The following MAT2A variants were observed in gnomAD, a reference collection of about 807,000 sequenced individuals.
MAT2A encodes methionine adenosyltransferase 2A.
MAT2A carries 3 observed loss-of-function variants against 43.9 expected under a neutral mutation model. That is an observed-to-expected ratio of 0.07 (90% CI 0.03 to 0.18). MAT2A has a LOEUF of 0.18. Ranked by LOEUF, MAT2A falls within the 10% of genes least tolerant of loss-of-function variation. The pLI is 1.00. For synonymous variants in MAT2A, 200 were observed against 168.4 expected, an observed-to-expected ratio of 1.19 and a Z score of -1.45; for missense variants, 204 against 489.0, an observed-to-expected ratio of 0.42 and a Z score of 5.50.
At chr2:85,539,467 G>T (rs1479836103) in intron 1 of MAT2A, 89 bp downstream of exon 1, 9 of 1,027,926 alleles carry the variant, frequency 8.8e-6, no homozygotes, top group Admixed American at 3.3e-5. Flanking sequence ...GGTGGGGCCC[G>T]CGCGGGTCGT....
intron 7 of MAT2A, 60 bp downstream of exon 7, chr2:85,542,807 G>T (rs878896234): frequency 6.4e-7 from 1 of 1,554,514 alleles, no homozygotes; most frequent in African/African-American, 1.4e-5. Flanking sequence ...GTATTTAGTA[G>T]TAATCTACTT....
At position 85,541,811 on chromosome 2, in the gene MAT2A, T is replaced by G. The variant is rs1483300661; in HGVS notation, c.406-18T>G. ...AAATTCTGGAGCTTGATCACATTGG[T>G]GACTTTTCTTTCTTTAGGGCTTAAT... On this transcript the variant is annotated intron_variant, in intron 4 of 8. Transcript: ENST00000306434. 1.9e-6 allele frequency: 3 copies of G among 1,613,774 alleles called. No individual in the cohort carries two copies. The highest frequency in any genetic ancestry group is 2.5e-6 in the Non-Finnish European group (3 of 1,179,804).
chr2:85,543,380 C>T, intron 8 of MAT2A: 1 of 420,072 alleles, frequency 2.4e-6, no homozygotes, highest in Non-Finnish European at 4.3e-6. Context: ...GCGGCGGGAC[C>T]TTGGTAAGTA....
At chr2:85,539,453 C>T in intron 1 of MAT2A, 75 bp downstream of exon 1, 1 of 1,235,400 alleles carries the variant, frequency 8.1e-7, no homozygotes, top group Non-Finnish European at 1.1e-6. Flanking sequence ...TGCGGCCGGC[C>T]GGTGGTGGGG....
At chr2:85,541,206 A>C (rs2103916383) in intron 2 of MAT2A, 46 bp downstream of exon 2, 1 of 1,612,192 alleles carries the variant, frequency 6.2e-7, no homozygotes, top group East Asian at 2.2e-5. Flanking sequence ...ATAGCATAAA[A>C]ATTATTTTTA....
rs370732107 is a variant in MAT2A at position 85,541,586 on chromosome 2, C to T, written c.293-47C>T. ...AATTCCAGATAATTGCTGTAAACAG[C>T]AGGTATTTCTAGGACGTAAACAAGA... On this transcript the variant is annotated intron_variant, in intron 3 of 8. Coordinates refer to ENST00000306434, the MANE Select transcript of MAT2A (RefSeq NM_005911.6). 6.2e-4 allele frequency: 888 copies of T among 1,431,728 alleles called. 7 individuals carry two copies. In the South Asian group the frequency reaches 0.011, roughly 17 times the overall value. 88.7% of individuals were successfully genotyped at this position (1,431,728 alleles called of 1,614,324 possible). A position where few individuals can be genotyped will look rare whatever the true frequency, so the allele number is the denominator to read the frequency against.
chr2:85,539,408 G>T, intron 1 of MAT2A, 30 bp downstream of exon 1: 1 of 1,568,192 alleles, frequency 6.4e-7, no homozygotes. Context: ...CGAAGCGTGG[G>T]GCGGGGCAGA....
intron 4 of MAT2A, 28 bp downstream of exon 4, chr2:85,541,773 C>T (rs777102974): frequency 1.2e-6 from 2 of 1,613,332 alleles, no homozygotes; most frequent in African/African-American, 1.3e-5. Flanking sequence ...CTGTTTTAAT[C>T]TCTTCTAACA....
chr2:85,542,528 C>G, intron 6 of MAT2A, 37 bp from the exon 7 acceptor site: 1 of 1,586,602 alleles, frequency 6.3e-7, no homozygotes. Flanking sequence ...ACTTGGAAAG[C>G]ACTAGGCGTA....
Position 85,540,795 on chromosome 2 carries a change from C to G in MAT2A, c.92-288C>G, listed in dbSNP as rs552547915. On this transcript the variant is annotated intron_variant, in intron 1 of 8. Coordinates refer to ENST00000306434, the MANE Select transcript of MAT2A (RefSeq NM_005911.6). ...CCTGTGGCCTCAGTTCTACCAGACT[C>G]CCAGGTGCAGAGGGGTTTGGTACAG... 1.6e-3 allele frequency among the ~76,000 whole-genome samples: 242 copies of G among 152,278 alleles called. 9 individuals carry two copies. The South Asian group carries it at 0.05, about 31-fold the overall frequency.
Position 85,541,944 on chromosome 2 carries a change from C to G in MAT2A, c.521C>G (p.Pro174Arg). ...GAACTACGCCGTAATGGCACTTTGC[C>G]TTGGTTACGCCCTGATTCTAAAACT... is the stretch of plus-strand genomic sequence containing the variant. ...LAELRRNGTLPWLRPDSKTQV... is the reference protein window; with the variant it reads ...LAELRRNGTLRWLRPDSKTQV... The change falls in exon 5 of 9, where the codon CCT becomes CGT. Residue 174 changes from proline (P) to arginine (R), a missense_variant. By Grantham distance (103) the Pro-to-Arg change is moderately radical. Around this residue, in one of 6 missense-constraint regions of MAT2A, gnomAD observed 103 missense variants for 226.4 expected, o/e 0.45. Transcript: ENST00000306434. The G allele has an allele frequency of 6.2e-7, 1 of 1,614,190 alleles. No homozygotes were observed. The highest frequency in any genetic ancestry group is 8.5e-7 in the Non-Finnish European group (1 of 1,180,012).
rs1691541797 is a variant in MAT2A, at chr2:85,543,932, G to A, written c.*160G>A. On this transcript the variant is annotated 3_prime_UTR_variant, in exon 9 of 9. Transcript: ENST00000306434. ...ATGACATGAATTTTAGCTTTTGTGG[G>A]GGACTGTAAGTTGGGCTTGCTATTC... 1.8e-6 allele frequency: 1 copy of A among 568,984 alleles called. No homozygotes were observed. The highest frequency in any genetic ancestry group is 1.9e-5 in the African/African-American group (1 of 52,584). 35.2% of individuals were successfully genotyped at this position (568,984 alleles called of 1,614,324 possible). A position where few individuals can be genotyped will look rare whatever the true frequency, so the allele number is the denominator to read the frequency against.
chr2:85,539,532 G>T, intron 1 of MAT2A, 154 bp downstream of exon 1: 1 of 521,100 alleles, frequency 1.9e-6, no homozygotes, highest in Non-Finnish European at 3.4e-6. Context: ...TCGTGGCGCC[G>T]CCAGGGCCTG....
In MAT2A at chr2:85,543,991, A is replaced by G. The variant is rs1044866892; in HGVS notation, c.*219A>G. ...GGTGTTTTGTTCACCATTATAATGAATTTAGTGAGCATAGGTGATCCATGT... is the reference window on the plus strand; with the variant it reads ...GGTGTTTTGTTCACCATTATAATGAGTTTAGTGAGCATAGGTGATCCATGT... On this transcript the variant is annotated 3_prime_UTR_variant, in exon 9 of 9. Coordinates refer to ENST00000306434, the MANE Select transcript of MAT2A (RefSeq NM_005911.6). The G allele has an allele frequency of 1.8e-5, 8 of 453,850 alleles. No homozygotes were observed. Among genetic ancestry groups the G allele is most frequent in the African/African-American group, 1.0e-4 (5 of 49,822 alleles). The allele number at this position is 453,850 out of a possible 1,614,324, so 28.1% of individuals were successfully genotyped here. A position where few individuals can be genotyped will look rare whatever the true frequency, so the allele number is the denominator to read the frequency against.
intron 3 of MAT2A, 25 bp from the exon 4 acceptor site, chr2:85,541,608 A>C: frequency 1.9e-6 from 3 of 1,543,000 alleles, no homozygotes; most frequent in Non-Finnish European, 2.7e-6. Context: ...GGACGTAAAC[A>C]AGATGTTGTG....
chr2:85,539,273 C>T lies in MAT2A; in HGVS notation c.-15C>T, dbSNP rs202218397. 1,621 of 1,597,134 alleles carry T rather than the reference C, an allele frequency of 1.0e-3. No homozygotes were observed. Among genetic ancestry groups the T allele is most frequent in the Non-Finnish European group, 1.3e-3 (1,527 of 1,170,132 alleles). ...CTGCTCCTTCGTAAGGCCACTTCCG[C>T]ACACCGACACCAACATGAACGGACA... is the stretch of plus-strand genomic sequence containing the variant. On this transcript the variant is annotated 5_prime_UTR_variant, in exon 1 of 9. Coordinates refer to ENST00000306434, the MANE Select transcript of MAT2A (RefSeq NM_005911.6).
At chr2:85,540,206 A>G (rs1040270333) in intron 1 of MAT2A, among the ~76,000 whole-genome samples, 2 of 152,258 alleles carry the variant, frequency 1.3e-5, no homozygotes, top group African/African-American at 2.4e-5. Flanking sequence ...GAGTAAAGCT[A>G]TATTTCCAGG....
At chr2:85,540,968 T>C (rs1573307745) in intron 1 of MAT2A, 115 bp from the exon 2 acceptor site, 1 of 691,166 alleles carries the variant, frequency 1.4e-6, no homozygotes, top group East Asian at 2.5e-5. Context: ...GTATTAAGCA[T>C]GTTTTTTAAA....
intron 8 of MAT2A, 121 bp from the exon 9 acceptor site, chr2:85,543,549 T>A: frequency 1.5e-6 from 1 of 653,222 alleles, no homozygotes; most frequent in Admixed American, 3.1e-5. Context: ...TGCCACAAAT[T>A]TTTTTCCTAG....
Sources: allele counts gnomAD v4.1 joint callset (sites outside exome capture counted in the v4.1 genomes callset), GRCh38; gene constraint gnomAD v4.1.1; regional missense constraint gnomAD v4.1.1; transcripts MANE v1.5; gene names NCBI Gene and HGNC (gene_info 2026-07-23, HGNC 2026-07-21).